Variants in ATG7 observed in about 807,000 individuals in gnomAD.
ATG7 encodes ubiquitin-like modifier-activating enzyme ATG7.
ATG7 carries 70 observed loss-of-function variants against 82.4 expected under a neutral mutation model. That is an observed-to-expected ratio of 0.85 (90% CI 0.70 to 1.04). The LOEUF (loss-of-function observed/expected upper bound fraction) is 1.04, where lower values mean the gene tolerates loss of function less well. Among genes scored for constraint, ATG7 ranks in the 50% least tolerant of loss-of-function variants. The probability of loss-of-function intolerance (pLI) is 0.00; values close to 1 mark genes in which losing one functional copy is unlikely to be tolerated. For synonymous variants in ATG7, 287 were observed against 313.0 expected, an observed-to-expected ratio of 0.92 and a Z score of 0.88; for missense variants, 792 against 864.3, an observed-to-expected ratio of 0.92 and a Z score of 1.05.
At chr3:11,423,267 TAC>T (rs2082087142) in intron 19 of ATG7, among the ~76,000 whole-genome samples, 1 of 152,140 alleles carries the variant, frequency 6.6e-6, no homozygotes, top group African/African-American at 2.4e-5. Flanking sequence ...CTTATATAGG[TAC>T]AGTTTGTGGT....
chr3:11,273,790 G>A (rs1381025476), intron 1 of ATG7, among the ~76,000 whole-genome samples: 1 of 152,178 alleles, frequency 6.6e-6, no homozygotes, highest in East Asian at 1.9e-4. Context: ...TGGCGGTGGC[G>A]GCATTGTCAG....
At chr3:11,321,719 A>G (rs58162243) in intron 9 of ATG7, among the ~76,000 whole-genome samples, 4,164 of 152,246 alleles carry the variant, frequency 0.027, 188 homozygotes, top group African/African-American at 0.091. Context: ...CAGTTTCCTC[A>G]GTGTGTATAA....
chr3:11,429,258 G>T (rs2082640341), intron 20 of ATG7, among the ~76,000 whole-genome samples: 1 of 152,140 alleles, frequency 6.6e-6, no homozygotes, highest in African/African-American at 2.4e-5. Context: ...CACTTTGGGA[G>T]GCCGAGGGGG....
intron 14 of ATG7, among the ~76,000 whole-genome samples, chr3:11,350,998 C>T (rs1320916883): frequency 6.6e-6 from 1 of 151,260 alleles, no homozygotes; most frequent in Non-Finnish European, 1.5e-5. Context: ...CCTTTAGGAC[C>T]CAGACAGACC....
intron 20 of ATG7, among the ~76,000 whole-genome samples, chr3:11,436,195 A>C (rs1332929600): frequency 1.3e-5 from 2 of 152,254 alleles, no homozygotes; most frequent in African/African-American, 4.8e-5. Context: ...ATATACAGAT[A>C]ATCACATGAT....
intron 18 of ATG7, among the ~76,000 whole-genome samples, chr3:11,366,798 T>C (rs2076642324): frequency 6.6e-6 from 1 of 152,128 alleles, no homozygotes; most frequent in African/African-American, 2.4e-5. Context: ...TGGCAACTAA[T>C]CCCTCTCGGT....
At chr3:11,342,342 C>T in intron 13 of ATG7, 63 bp downstream of exon 13, 2 of 1,539,846 alleles carry the variant, frequency 1.3e-6, no homozygotes, top group Non-Finnish European at 1.7e-6. Flanking sequence ...TCTTGTTTTA[C>T]TCTCATGATT....
At chr3:11,350,968 T>A (rs1247778413) in intron 14 of ATG7, among the ~76,000 whole-genome samples, 1 of 149,916 alleles carries the variant, frequency 6.7e-6, no homozygotes, top group African/African-American at 2.5e-5. Flanking sequence ...CAATCTATCG[T>A]TGGAGAGTAT....
At chr3:11,489,795 G>C (rs1396350882) in intron 20 of ATG7, among the ~76,000 whole-genome samples, 1 of 151,764 alleles carries the variant, frequency 6.6e-6, no homozygotes, top group African/African-American at 2.4e-5. Flanking sequence ...TTTTGAGTGA[G>C]TTTCTTAATC....
chr3:11,368,621 G>A (rs764162387), intron 18 of ATG7, among the ~76,000 whole-genome samples: 2 of 151,824 alleles, frequency 1.3e-5, no homozygotes, highest in Non-Finnish European at 1.5e-5. Flanking sequence ...GGGAGACCCC[G>A]TCTCTACAAA....
At chr3:11,412,000 A>G (rs2080952028) in intron 19 of ATG7, among the ~76,000 whole-genome samples, 1 of 150,780 alleles carries the variant, frequency 6.6e-6, no homozygotes, top group Non-Finnish European at 1.5e-5. Context: ...CTGAAACACC[A>G]GGGTATTCTG....
chr3:11,432,006 A>T (rs1352284434), intron 20 of ATG7, among the ~76,000 whole-genome samples: 3 of 152,222 alleles, frequency 2.0e-5, no homozygotes, highest in African/African-American at 7.2e-5. Context: ...ATTTTGAACT[A>T]GGTTACTGGT....
At position 11,502,043 on chromosome 3, in the gene ATG7, C is replaced by CACAT. The variant is rs201645133; in HGVS notation, c.2080-52767_2080-52766insCATA. 7.2e-3 allele frequency among the ~76,000 whole-genome samples: 1,096 copies of CACAT among 151,248 alleles called. 11 individuals are homozygous for CACAT. The highest frequency in any genetic ancestry group is 0.025 in the African/African-American group (1,038 of 41,182). ...GTAAACATATATACACACATACACACATATGTTTATATATATGTTTGCTGT... is the reference window on the plus strand; with the variant it reads ...GTAAACATATATACACACATACACACACATATATGTTTATATATATGTTTGCTGT... On this transcript the variant is annotated intron_variant, in intron 20 of 20. Transcript: ENST00000693202.
chr3:11,549,758 G>A (rs933549847), intron 20 of ATG7, among the ~76,000 whole-genome samples: 1 of 152,148 alleles, frequency 6.6e-6, no homozygotes, highest in African/African-American at 2.4e-5. Context: ...AAACAGGAGT[G>A]GAATGGCTGG....
intron 20 of ATG7, among the ~76,000 whole-genome samples, chr3:11,478,294 A>G (rs1001410571): frequency 1.3e-5 from 2 of 152,228 alleles, no homozygotes; most frequent in Non-Finnish European, 2.9e-5. Flanking sequence ...TCTTTTAGAA[A>G]CATCCCATTT....
intron 18 of ATG7, among the ~76,000 whole-genome samples, chr3:11,370,081 T>G (rs776992206): frequency 1.3e-5 from 2 of 151,172 alleles, no homozygotes; most frequent in Non-Finnish European, 2.9e-5. Context: ...ATGGATGGAT[T>G]AAGTCACACG....
intron 19 of ATG7, among the ~76,000 whole-genome samples, chr3:11,410,993 T>G (rs185861213): frequency 2.0e-5 from 3 of 152,294 alleles, no homozygotes; most frequent in Non-Finnish European, 4.4e-5. Context: ...ATAATTCTCT[T>G]TTAATTTTTT....
At chr3:11,475,307 C>A (rs908848289) in intron 20 of ATG7, among the ~76,000 whole-genome samples, 1 of 152,108 alleles carries the variant, frequency 6.6e-6, no homozygotes, top group Admixed American at 6.5e-5. Context: ...AAGCCCCTAT[C>A]CACTGGGCTT....
At chr3:11,348,069 T>C (rs771394216) in intron 14 of ATG7, 34 bp downstream of exon 14, 18 of 1,596,276 alleles carry the variant, frequency 1.1e-5, no homozygotes, top group African/African-American at 6.7e-5. Context: ...TTTTCTGTTA[T>C]ATGTATAAAT....
Sources: gnomAD v4.1 joint callset for allele counts (sites outside exome capture counted in the v4.1 genomes callset) on GRCh38, gnomAD v4.1.1 for gene constraint, MANE v1.5 for transcripts, NCBI Gene and HGNC (gene_info 2026-07-23, HGNC 2026-07-21) for gene names.